The following LINC00632 variants were observed in gnomAD, a reference collection of about 807,000 sequenced individuals.
LINC00632 encodes ALDOA related specific transcript.
At chrX:140,726,381 C>G (rs1044123716) in intron 2 of LINC00632, among the ~76,000 whole-genome samples, 8 of 110,885 alleles carry the variant, frequency 7.2e-5, no homozygotes, top group Admixed American at 6.8e-4. Flanking sequence ...ATAACCAACT[C>G]AGATCTACCC....
chrX:140,752,159 C>T (rs978094702), intron 3 of LINC00632, among the ~76,000 whole-genome samples: 1 of 111,778 alleles, frequency 8.9e-6, no homozygotes, highest in Non-Finnish European at 1.9e-5. Flanking sequence ...TCTGTTAAAG[C>T]TCATCTCAAA....
chrX:140,721,405 G>A (rs1423787061), intron 2 of LINC00632, among the ~76,000 whole-genome samples: 1 of 111,554 alleles, frequency 9.0e-6, no homozygotes, highest in Non-Finnish European at 1.9e-5. Flanking sequence ...GGTGAGGTGG[G>A]AGGGGTGGTT....
At chrX:140,750,922 C>T (rs746402931) in intron 3 of LINC00632, among the ~76,000 whole-genome samples, 1 of 111,884 alleles carries the variant, frequency 8.9e-6, no homozygotes, top group South Asian at 3.7e-4. Context: ...TGGCCTCCAG[C>T]TGCATCCAAG....
chrX:140,755,108 T>A (rs1931471938), intron 3 of LINC00632, among the ~76,000 whole-genome samples: 1 of 112,256 alleles, frequency 8.9e-6, no homozygotes, highest in Non-Finnish European at 1.9e-5. Context: ...CCTAGGCTTT[T>A]AAATCAGACT....
At chrX:140,786,998 G>A (rs766514626) in exon 5 of LINC00632, among the ~76,000 whole-genome samples, 1 of 110,957 alleles carries the variant, frequency 9.0e-6, no homozygotes, top group South Asian at 3.8e-4. Flanking sequence ...TTACTGGATG[G>A]GTTGCATTAT....
Position 140,744,572 on chromosome X carries a change from G to C in LINC00632, n.191+10608G>C, listed in dbSNP as rs1487352703. Among the ~76,000 whole-genome samples, 21 of 51,308 alleles carry C rather than the reference G, an allele frequency of 4.1e-4. No individual in the cohort carries two copies. In the East Asian group the frequency reaches 0.022, roughly 53 times the overall value. The allele number at this position is 51,308 out of a possible 115,157, so 44.6% of individuals were successfully genotyped here. On this transcript the variant is annotated intron_variant and non_coding_transcript_variant, in intron 3 of 4. Transcript: ENST00000648200. ...TTTGGATTAGAGCTTTTTTTTGGGGGGGGGGGTGGGGGGAGGAGATGGAGT... is the reference window on the plus strand; with the variant it reads ...TTTGGATTAGAGCTTTTTTTTGGGGCGGGGGGTGGGGGGAGGAGATGGAGT...
At chrX:140,728,053 C>A (rs1930992255) in intron 2 of LINC00632, among the ~76,000 whole-genome samples, 1 of 110,513 alleles carries the variant, frequency 9.0e-6, no homozygotes, top group African/African-American at 3.3e-5. Context: ...TCAGCCTGAC[C>A]AACATGGGGA....
chrX:140,776,546 G>A (rs1204871278), exon 5 of LINC00632, among the ~76,000 whole-genome samples: 1 of 112,932 alleles, frequency 8.9e-6, no homozygotes, highest in Non-Finnish European at 1.9e-5. Context: ...AAGCCCGCGC[G>A]TGACCACCCA....
chrX:140,771,892 G>A (rs1305871434), intron 3 of LINC00632, among the ~76,000 whole-genome samples: 1 of 108,396 alleles, frequency 9.2e-6, no homozygotes, highest in Non-Finnish European at 1.9e-5. Flanking sequence ...ACATTGGCCA[G>A]GCTGGTCTCA....
At chrX:140,776,003 T>A (rs1273319979) in exon 5 of LINC00632, among the ~76,000 whole-genome samples, 1 of 111,498 alleles carries the variant, frequency 9.0e-6, no homozygotes, top group Non-Finnish European at 1.9e-5. Flanking sequence ...ACCAAAAGAA[T>A]GGGAGAAAAA....
At chrX:140,751,912 G>T (rs1931416029) in intron 3 of LINC00632, among the ~76,000 whole-genome samples, 1 of 111,447 alleles carries the variant, frequency 9.0e-6, no homozygotes, top group African/African-American at 3.3e-5. Context: ...GTTTTAGGAG[G>T]AACTTGGCCA....
intron 3 of LINC00632, among the ~76,000 whole-genome samples, chrX:140,751,323 A>G (rs1931408936): frequency 9.3e-6 from 1 of 107,115 alleles, no homozygotes; most frequent in Non-Finnish European, 1.9e-5. Context: ...ATTTTTGCAC[A>G]AGTAAGGTGG....
chrX:140,713,271 G>A (rs1208710849), intron 2 of LINC00632, among the ~76,000 whole-genome samples: 3 of 109,534 alleles, frequency 2.7e-5, no homozygotes, highest in Non-Finnish European at 5.7e-5. Flanking sequence ...CAGTGACCAC[G>A]AAGGCTTTCT....
chrX:140,715,325 T>C (rs1208297493), intron 2 of LINC00632, among the ~76,000 whole-genome samples: 1 of 111,740 alleles, frequency 8.9e-6, no homozygotes, highest in Non-Finnish European at 1.9e-5. Context: ...GCCAGGTGGG[T>C]GGCTCATGCC....
At chrX:140,783,835 A>G in exon 5 of LINC00632, 6 of 1,210,814 alleles carry the variant, frequency 5.0e-6, no homozygotes, top group Non-Finnish European at 6.7e-6. Context: ...GTCTTCCAGT[A>G]ACCTCCCAGT....
intron 2 of LINC00632, among the ~76,000 whole-genome samples, chrX:140,722,702 C>T (rs1183703174): frequency 9.0e-6 from 1 of 111,001 alleles, no homozygotes; most frequent in Non-Finnish European, 1.9e-5. Flanking sequence ...GCAAACTCGC[C>T]CCCGCAACTC....
intron 2 of LINC00632, among the ~76,000 whole-genome samples, chrX:140,724,647 C>T (rs1214830423): frequency 1.0e-5 from 1 of 100,235 alleles, no homozygotes; most frequent in Non-Finnish European, 2.0e-5. Context: ...CACTTCCATA[C>T]ACACAGAGAC....
In LINC00632 at chrX:140,789,544, A is replaced by G. The variant is rs944154438; in HGVS notation, n.17563A>G. 3.6e-5 allele frequency among the ~76,000 whole-genome samples: 4 copies of G among 112,128 alleles called. No homozygotes were observed. In the South Asian group the frequency reaches 1.5e-3, roughly 41 times the overall value. Reference sequence around the variant, plus strand: ...TTTTTTGCACTTTTACAAGGATTTTAAAGAGCTAGTACCTGAGAAATAAAA... The same window carrying G: ...TTTTTTGCACTTTTACAAGGATTTTGAAGAGCTAGTACCTGAGAAATAAAA... On this transcript the variant is annotated non_coding_transcript_exon_variant, in exon 5 of 5. Transcript: ENST00000648200.
chrX:140,758,045 A>T (rs1931524389), intron 3 of LINC00632, among the ~76,000 whole-genome samples: 1 of 111,331 alleles, frequency 9.0e-6, no homozygotes, highest in Non-Finnish European at 1.9e-5. Flanking sequence ...CAGAAAATTT[A>T]TTTTTATGTA....
Sources: allele counts gnomAD v4.1 joint callset (sites outside exome capture counted in the v4.1 genomes callset), GRCh38; gene constraint gnomAD v4.1.1; transcripts MANE v1.5; gene names NCBI Gene and HGNC (gene_info 2026-07-23, HGNC 2026-07-21).